Variants in DMD observed in about 807,000 individuals in gnomAD.
DMD encodes mutant dystrophin.
Under a neutral mutation model 330.1 loss-of-function variants are expected in DMD, and 63 were observed. The ratio of observed to expected loss-of-function variants is 0.19; its 90% CI spans 0.16 to 0.24. The LOEUF is 0.24. Among genes scored for constraint, DMD ranks in the 10% least tolerant of loss-of-function variants. The pLI is 1.00. For synonymous variants in DMD, 1,223 were observed against 959.8 expected (o/e 1.27, Z -5.07); for missense variants, 3,344 against 2,684.1 (o/e 1.25, Z -5.43).
intron 17 of DMD, among the ~76,000 whole-genome samples, chrX:32,530,582 A>C (rs914872247): frequency 1.8e-5 from 2 of 112,228 alleles, no homozygotes; most frequent in African/African-American, 3.2e-5. Flanking sequence ...AACCTTAAAA[A>C]TTAAAAGGTA....
chrX:32,877,507 G>C (rs2083467971), intron 2 of DMD, among the ~76,000 whole-genome samples: 1 of 111,921 alleles, frequency 8.9e-6, no homozygotes, highest in African/African-American at 3.2e-5. Context: ...GTGCTTAATT[G>C]GGTCCACGTA....
At chrX:32,747,651 C>T (rs1250720212) in intron 7 of DMD, among the ~76,000 whole-genome samples, 2 of 102,883 alleles carry the variant, frequency 1.9e-5, no homozygotes, top group East Asian at 5.7e-4. Context: ...CCACACCTCG[C>T]TAATTTTTTT....
At position 32,142,710 on chromosome X, in the gene DMD, C is replaced by T. The variant is rs542569622; in HGVS notation, c.6438+74206G>A. On this transcript the variant is annotated intron_variant, in intron 44 of 78. Transcript: ENST00000357033. ...CGACCTTGCAAAGCTTACCTAAATTCTGAACCCCAATAAACTCATGGATAC... is the reference window on the plus strand; with the variant it reads ...CGACCTTGCAAAGCTTACCTAAATTTTGAACCCCAATAAACTCATGGATAC... 1.2e-4 allele frequency among the ~76,000 whole-genome samples: 14 copies of T among 112,285 alleles called. No individual in the cohort carries two copies. The South Asian group carries it at 5.2e-3, about 42-fold the overall frequency.
At chrX:32,365,365 G>T in intron 34 of DMD, among the ~76,000 whole-genome samples, 166 bp from the exon 35 acceptor site, 1 of 111,103 alleles carries the variant, frequency 9.0e-6, no homozygotes, top group Admixed American at 9.7e-5. Context: ...AAGCTTCATT[G>T]TTGGGTAACT....
rs1557061569 is a variant in DMD at position 32,827,063 on chromosome X, C to CA, written c.265-3677_265-3676insT. ...CATTGGAACACACATCGCACCCCCC[C>CA]CCCACACACACACACACACAGCAGC... On this transcript the variant is annotated intron_variant, in intron 4 of 78. Transcript: ENST00000357033. 7.9e-5 allele frequency among the ~76,000 whole-genome samples: 4 copies of CA among 50,775 alleles called. No homozygotes were observed. In the East Asian group the frequency reaches 2.0e-3, roughly 25 times the overall value. 44.1% of individuals were successfully genotyped at this position (50,775 alleles called of 115,157 possible).
chrX:32,140,989 C>T (rs1376708180), intron 44 of DMD, among the ~76,000 whole-genome samples: 3 of 111,640 alleles, frequency 2.7e-5, no homozygotes, highest in Non-Finnish European at 5.6e-5. Flanking sequence ...TAACCTGCAG[C>T]TGCAGAACAA....
chrX:33,235,237 A>G (rs770700130), intron 1 of DMD, among the ~76,000 whole-genome samples: 1 of 111,677 alleles, frequency 9.0e-6, no homozygotes, highest in South Asian at 3.8e-4. Flanking sequence ...ACCAGTTCCT[A>G]TTCTTACTCT....
chrX:32,570,233 AT>A (rs1360413904), intron 15 of DMD, among the ~76,000 whole-genome samples: 2 of 111,628 alleles, frequency 1.8e-5, no homozygotes, highest in Admixed American at 9.6e-5. Context: ...CTGGTGACAG[AT>A]GGTACCTGTT....
At chrX:32,541,523 G>A (rs769979389) in intron 17 of DMD, among the ~76,000 whole-genome samples, 2 of 112,203 alleles carry the variant, frequency 1.8e-5, no homozygotes, top group Non-Finnish European at 3.8e-5. Context: ...ATTTGCCTGC[G>A]CTCATAAGCT....
chrX:31,445,612 T>G (rs777840599), intron 59 of DMD, among the ~76,000 whole-genome samples: 21 of 110,900 alleles, frequency 1.9e-4, no homozygotes, highest in Non-Finnish European at 5.7e-5. Flanking sequence ...ATTTAGGGAG[T>G]AGGGTATTTT....
intron 41 of DMD, among the ~76,000 whole-genome samples, chrX:32,313,178 G>A (rs2097570766): frequency 9.1e-6 from 1 of 109,894 alleles, no homozygotes; most frequent in African/African-American, 3.3e-5. Context: ...AAATCCAGTA[G>A]CACATTAAAA....
chrX:33,184,720 C>CTT (rs11317329), intron 1 of DMD, among the ~76,000 whole-genome samples: 93 of 51,036 alleles, frequency 1.8e-3, no homozygotes, highest in Admixed American at 4.7e-3. Context: ...TTTTTTCTTT[C>CTT]TTTTTTTTTT....
In DMD at chrX:32,310,288, A is replaced by G; in HGVS notation, c.5923-12T>C. On this transcript the variant is annotated splice_polypyrimidine_tract_variant and intron_variant, in intron 41 of 78. Coordinates refer to ENST00000357033, the MANE Select transcript of DMD (RefSeq NM_004006.3). ...TCACGGACAGTGTGCTGGTATAGATATACAAAAGAACAATTTTTTTTAGCT... is the reference window on the plus strand; with the variant it reads ...TCACGGACAGTGTGCTGGTATAGATGTACAAAAGAACAATTTTTTTTAGCT... 8.4e-7 allele frequency: 1 copy of G among 1,196,467 alleles called. No homozygotes were observed. The highest frequency in any genetic ancestry group is 1.1e-6 in the Non-Finnish European group (1 of 882,956).
intron 54 of DMD, among the ~76,000 whole-genome samples, chrX:31,656,698 G>A (rs1260618414): frequency 2.7e-5 from 3 of 111,685 alleles, no homozygotes; most frequent in Non-Finnish European, 5.7e-5. Context: ...TCTGTATTTT[G>A]AGAAGAAAGT....
chrX:32,981,218 G>T (rs2092700013), intron 2 of DMD, among the ~76,000 whole-genome samples: 1 of 111,718 alleles, frequency 9.0e-6, no homozygotes, highest in Non-Finnish European at 1.9e-5. Context: ...TTTAGAGTTT[G>T]CTTATTCAAA....
At chrX:32,797,215 T>A (rs1382904078) in intron 7 of DMD, among the ~76,000 whole-genome samples, 1 of 110,972 alleles carries the variant, frequency 9.0e-6, no homozygotes, top group Non-Finnish European at 1.9e-5. Context: ...CTTGAACTCC[T>A]GGCCTAAAGC....
intron 60 of DMD, among the ~76,000 whole-genome samples, chrX:31,360,932 T>C (rs1435102711): frequency 9.0e-6 from 1 of 111,614 alleles, no homozygotes; most frequent in Non-Finnish European, 1.9e-5. Context: ...AGGTGAGCAC[T>C]GAGTAAATGG....
At chrX:32,735,406 A>T (rs1172236673) in intron 7 of DMD, among the ~76,000 whole-genome samples, 1 of 110,951 alleles carries the variant, frequency 9.0e-6, no homozygotes, top group Admixed American at 9.6e-5. Context: ...ACAGAATTGG[A>T]AAAAACTACT....
At chrX:32,344,511 G>A (rs1408982) in intron 39 of DMD, among the ~76,000 whole-genome samples, 49,841 of 109,543 alleles carry the variant, frequency 0.45, 10,170 homozygotes, top group South Asian at 0.71. Context: ...GTTTTATGTT[G>A]AATTTTCAAA....
Sources: gnomAD v4.1 joint callset for allele counts (sites outside exome capture counted in the v4.1 genomes callset) on GRCh38, gnomAD v4.1.1 for gene constraint, MANE v1.5 for transcripts, NCBI Gene and HGNC (gene_info 2026-07-23, HGNC 2026-07-21) for gene names.